Variants in WDFY3 observed in about 807,000 individuals in gnomAD.
WDFY3 encodes the protein WD repeat and FYVE domain containing 3.
WDFY3 carries 66 observed loss-of-function variants against 409.6 expected under a neutral mutation model. The ratio of observed to expected loss-of-function variants is 0.16; its 90% CI spans 0.13 to 0.20. The LOEUF is 0.20. Ranked by LOEUF, WDFY3 falls within the 10% of genes least tolerant of loss-of-function variation. WDFY3 has a pLI of 1.00. For missense variants in WDFY3, 3,031 were observed against 4,298.1 expected, an observed-to-expected ratio of 0.71 and a Z score of 8.24; for synonymous variants, 1,521 against 1,537.1, an observed-to-expected ratio of 0.99 and a Z score of 0.25.
At chr4:84,851,943 A>G (rs985033151) in intron 4 of WDFY3, among the ~76,000 whole-genome samples, 1 of 152,190 alleles carries the variant, frequency 6.6e-6, no homozygotes, top group Non-Finnish European at 1.5e-5. Context: ...AAAAATTGTA[A>G]TAATATACTA....
At position 84,956,087 on chromosome 4, in the gene WDFY3, T is replaced by TA. The variant is rs553299938; in HGVS notation, c.-226+10121dup. 1.1e-3 allele frequency among the ~76,000 whole-genome samples: 165 copies of TA among 152,296 alleles called. 2 individuals carry two copies. Among genetic ancestry groups the TA allele is most frequent in the African/African-American group, 3.7e-3 (154 of 41,580 alleles). On this transcript the variant is annotated intron_variant, in intron 1 of 67. Transcript: ENST00000295888. ...CTACTTTCCTCAGGCTAATATTAAA[T>TA]AAGTTGGCCTCCTTTAAGTCTATAT...
intron 2 of WDFY3, among the ~76,000 whole-genome samples, chr4:84,921,322 G>A (rs527901983): frequency 4.9e-4 from 74 of 151,898 alleles, no homozygotes; most frequent in African/African-American, 1.6e-3. Context: ...GAAATTTAAG[G>A]AAAAGAAGGG....
chr4:84,748,244 G>A (rs1310306486), intron 36 of WDFY3, among the ~76,000 whole-genome samples: 1 of 152,146 alleles, frequency 6.6e-6, no homozygotes, highest in Non-Finnish European at 1.5e-5. Flanking sequence ...TTTTGAGTAT[G>A]TTTAAGTGTT....
intron 3 of WDFY3, among the ~76,000 whole-genome samples, chr4:84,891,030 C>A (rs1764880221): frequency 6.6e-6 from 1 of 152,062 alleles, no homozygotes; most frequent in African/African-American, 2.4e-5. Flanking sequence ...ATATAACAAC[C>A]ATTCTTAGTT....
intron 15 of WDFY3, 117 bp from the exon 16 acceptor site, chr4:84,803,584 G>T: frequency 8.7e-7 from 1 of 1,154,906 alleles, no homozygotes; most frequent in Non-Finnish European, 1.2e-6. Context: ...TTAAGGTTGG[G>T]ATAGAAAAAA....
intron 18 of WDFY3, among the ~76,000 whole-genome samples, chr4:84,797,747 A>G (rs1210141309): frequency 1.3e-5 from 2 of 151,182 alleles, no homozygotes; most frequent in Non-Finnish European, 3.0e-5. Flanking sequence ...CGCCCGGCTA[A>G]TTTTTTTTGT....
Position 84,691,486 on chromosome 4 carries a change from A to T in WDFY3, c.9204+145T>A, listed in dbSNP as rs148969549. 1.2e-3 allele frequency: 998 copies of T among 828,202 alleles called. 7 individuals are homozygous for T. The African/African-American group carries it at 0.015, about 12-fold the overall frequency. The allele number at this position is 828,202 out of a possible 1,614,324, so 51.3% of individuals were successfully genotyped here. A position where few individuals can be genotyped will look rare whatever the true frequency, so the allele number is the denominator to read the frequency against. ...ATTCAGTGAAGCTCTCCTTTCCCCA[A>T]ATAGGAAAGCTCACTTTTCTTTTGG... On this transcript the variant is annotated intron_variant, in intron 60 of 67. Transcript: ENST00000295888.
At chr4:84,738,918 TG>T in intron 40 of WDFY3, 91 bp downstream of exon 40, 2 of 1,307,362 alleles carry the variant, frequency 1.5e-6, no homozygotes, top group East Asian at 2.3e-5. Context: ...CTATCAATGC[TG>T]GCAGTTTCTG....
intron 48 of WDFY3, among the ~76,000 whole-genome samples, chr4:84,717,980 G>A (rs1045585091): frequency 6.0e-5 from 9 of 149,178 alleles, no homozygotes; most frequent in Admixed American, 1.3e-4. Flanking sequence ...CCCGGGAGGC[G>A]GAGCTTGCAG....
chr4:84,935,845 T>C (rs1026255208), intron 1 of WDFY3, among the ~76,000 whole-genome samples: 8 of 152,172 alleles, frequency 5.3e-5, no homozygotes, highest in Non-Finnish European at 1.0e-4. Flanking sequence ...CAAGAACAAA[T>C]GCTACAAAAT....
chr4:84,855,931 G>A (rs891852031), intron 4 of WDFY3, among the ~76,000 whole-genome samples: 1 of 152,140 alleles, frequency 6.6e-6, no homozygotes, highest in African/African-American at 2.4e-5. Flanking sequence ...ATGAGAATAT[G>A]CATTCTCATC....
chr4:84,724,322 T>TA, intron 46 of WDFY3, 104 bp downstream of exon 46: 1 of 1,316,972 alleles, frequency 7.6e-7, no homozygotes. Flanking sequence ...ATGGATATTT[T>TA]TAAAGTTGGC....
In WDFY3 at chr4:84,803,420, T is replaced by C. The variant is rs2149670373; in HGVS notation, c.2477A>G (p.Asn826Ser). The C allele has an allele frequency of 1.2e-6, 2 of 1,613,976 alleles. No homozygotes were observed. Among genetic ancestry groups the C allele is most frequent in the Non-Finnish European group, 8.5e-7 (1 of 1,179,950 alleles). The stretch of plus-strand genomic sequence containing the variant: ...CACATGTAGTTTCAGGTCGGCAACA[T>C]TTTTAGGAGGGTAAACAGGGGGAGT... ...VSTPPVYPPK[N>S]VADLKLHVTT... Residue 826 changes from asparagine (N) to serine (S), a missense_variant, in exon 16 of 68, where the codon AAT becomes AGT. By Grantham distance (46) the Asn-to-Ser change is conservative. This residue lies in a region of WDFY3 where 1,322 missense variants were observed against 1,697.9 expected (regional missense o/e 0.78). Coordinates refer to ENST00000295888, the MANE Select transcript of WDFY3 (RefSeq NM_014991.6).
chr4:84,863,358 C>T (rs1760927662), intron 3 of WDFY3, among the ~76,000 whole-genome samples: 1 of 152,116 alleles, frequency 6.6e-6, no homozygotes, highest in East Asian at 1.9e-4. Context: ...ACAAGAGTCC[C>T]CCATTTTCCA....
chr4:84,855,800 G>T (rs1578835294), intron 4 of WDFY3, among the ~76,000 whole-genome samples: 1 of 152,152 alleles, frequency 6.6e-6, no homozygotes, highest in African/African-American at 2.4e-5. Flanking sequence ...TAATATAAAT[G>T]ATTAGGGAAA....
intron 51 of WDFY3, among the ~76,000 whole-genome samples, chr4:84,710,842 G>A (rs558700244): frequency 3.0e-4 from 45 of 152,110 alleles, no homozygotes; most frequent in Non-Finnish European, 5.4e-4. Context: ...GGCTCATTAT[G>A]TTTTTAAGGA....
At chr4:84,909,062 A>G (rs1767432226) in intron 2 of WDFY3, among the ~76,000 whole-genome samples, 2 of 151,966 alleles carry the variant, frequency 1.3e-5, no homozygotes, top group Non-Finnish European at 2.9e-5. Context: ...ACACACACAA[A>G]AATATTTACT....
Position 84,718,461 on chromosome 4 carries a change from G to A in WDFY3, c.7715C>T (p.Ala2572Val), listed in dbSNP as rs1438674020. Reference sequence around the variant, plus strand: ...TTCAATATCTCTTATTTCCCTGGTTGCTGTCATGGTAAATCCATCAATCAC... The same window carrying A: ...TTCAATATCTCTTATTTCCCTGGTTACTGTCATGGTAAATCCATCAATCAC... ...FYVIDGFTMT[A>V]TREIRDIETL... The change falls in exon 48 of 68, where the codon GCA (alanine) becomes GTA (valine). Residue 2572 changes from alanine to valine, a missense_variant. Physicochemically the swap from Ala to Val is moderately conservative, Grantham distance 64 (BLOSUM62 0). Around this residue, in one of 16 missense-constraint regions of WDFY3, gnomAD observed 40 missense variants for 54.2 expected, o/e 0.74. Transcript: ENST00000295888. The A allele has an allele frequency of 6.2e-7, 1 of 1,613,856 alleles. No individual in the cohort carries two copies. Among genetic ancestry groups the A allele is most frequent in the South Asian group, 1.1e-5 (1 of 91,056 alleles).
intron 4 of WDFY3, among the ~76,000 whole-genome samples, chr4:84,850,736 T>G (rs1758799751): frequency 6.6e-6 from 1 of 152,026 alleles, no homozygotes; most frequent in East Asian, 1.9e-4. Flanking sequence ...CAGGCTGACG[T>G]CAGAATTCAC....
Sources: gnomAD v4.1 joint callset for allele counts (sites outside exome capture counted in the v4.1 genomes callset) on GRCh38, gnomAD v4.1.1 for gene constraint, gnomAD v4.1.1 regional missense constraint, MANE v1.5 for transcripts, NCBI Gene and HGNC (gene_info 2026-07-23, HGNC 2026-07-21) for gene names.